The following ANXA3 variants were observed in gnomAD, a reference collection of about 807,000 sequenced individuals.
The protein encoded by ANXA3 is annexin A3.
In ANXA3, 46 loss-of-function variants were observed where a neutral mutation model predicts 48.8. The ratio of observed to expected loss-of-function variants is 0.94; its 90% CI spans 0.74 to 1.21. The LOEUF is 1.21. ANXA3 is among the 50% of genes most tolerant of loss of function. The pLI, the probability that ANXA3 is intolerant of heterozygous loss-of-function variation, is 0.00. For missense variants in ANXA3, 383 were observed against 378.6 expected, an observed-to-expected ratio of 1.01 and a Z score of -0.10; for synonymous variants, 128 against 134.7, an observed-to-expected ratio of 0.95 and a Z score of 0.35.
At chr4:78,568,771 C>A (rs1282995578) in intron 2 of ANXA3, among the ~76,000 whole-genome samples, 1 of 152,160 alleles carries the variant, frequency 6.6e-6, no homozygotes, top group Non-Finnish European at 1.5e-5. Flanking sequence ...CCCAGCTTGG[C>A]CAAGCAGTGG....
At chr4:78,570,205 A>G (rs1722815764) in intron 2 of ANXA3, among the ~76,000 whole-genome samples, 1 of 152,200 alleles carries the variant, frequency 6.6e-6, no homozygotes, top group Non-Finnish European at 1.5e-5. Flanking sequence ...CCTTGTAATT[A>G]AACAAGTTAT....
At chr4:78,583,349 A>G (rs1723111097) in intron 5 of ANXA3, among the ~76,000 whole-genome samples, 1 of 151,958 alleles carries the variant, frequency 6.6e-6, no homozygotes, top group Non-Finnish European at 1.5e-5. Context: ...CAAAACAACA[A>G]CAACAAAAAT....
intron 2 of ANXA3, among the ~76,000 whole-genome samples, chr4:78,556,390 C>A (rs1288727332): frequency 6.6e-6 from 1 of 151,526 alleles, no homozygotes; most frequent in Admixed American, 6.6e-5. Context: ...AAAGAAAGAA[C>A]AAAGAAAATA....
rs1165674488 is a variant in ANXA3 at position 78,595,779 on chromosome 4, T to C, written c.541-15T>C. 1 of 1,520,634 alleles carries C rather than the reference T, an allele frequency of 6.6e-7. No homozygotes were observed. 94.2% of individuals were successfully genotyped at this position (1,520,634 alleles called of 1,614,324 possible). Reference sequence around the variant, plus strand: ...GAAAATAATTGTGTCTCTAATATCATTCTCTTGTGAATAGATTCTCTATAA... The same window carrying C: ...GAAAATAATTGTGTCTCTAATATCACTCTCTTGTGAATAGATTCTCTATAA... On this transcript the variant is annotated splice_polypyrimidine_tract_variant and intron_variant, in intron 8 of 12. Coordinates refer to ENST00000264908, the MANE Select transcript of ANXA3 (RefSeq NM_005139.3).
intron 6 of ANXA3, among the ~76,000 whole-genome samples, chr4:78,586,899 T>C (rs1339234421): frequency 6.6e-6 from 1 of 152,144 alleles, no homozygotes; most frequent in African/African-American, 2.4e-5. Flanking sequence ...AAGACTACCT[T>C]CACCTCAGAC....
intron 11 of ANXA3, chr4:78,603,276 C>G (rs1377902978): frequency 6.6e-6 from 1 of 152,208 alleles, no homozygotes; most frequent in Non-Finnish European, 1.5e-5. Context: ...CGCTCATAAG[C>G]ATTTGCTGGA....
intron 3 of ANXA3, among the ~76,000 whole-genome samples, chr4:78,574,824 C>A (rs908085631): frequency 6.6e-6 from 1 of 152,102 alleles, no homozygotes; most frequent in Non-Finnish European, 1.5e-5. Flanking sequence ...ATGAATATTC[C>A]TCTCATGTCT....
chr4:78,565,938 GA>G (rs1371654792), intron 2 of ANXA3, among the ~76,000 whole-genome samples: 2 of 152,204 alleles, frequency 1.3e-5, no homozygotes, highest in Non-Finnish European at 2.9e-5. Context: ...GTCTGGGCTA[GA>G]GCTATAATGT....
intron 10 of ANXA3, among the ~76,000 whole-genome samples, chr4:78,597,987 A>G (rs1210521805): frequency 2.0e-5 from 3 of 152,182 alleles, no homozygotes; most frequent in Admixed American, 1.3e-4. Context: ...AGACTTCTTG[A>G]GAGCTGAAAT....
At chr4:78,595,662 C>T in intron 8 of ANXA3, 132 bp from the exon 9 acceptor site, 1 of 757,952 alleles carries the variant, frequency 1.3e-6, no homozygotes, top group Non-Finnish European at 2.1e-6. Context: ...TTTTTGATTT[C>T]TAGTCTTCTG....
Position 78,582,192 on chromosome 4 carries a change from T to TC in ANXA3, c.214_215insC (p.Leu72SerfsTer4). 1 of 1,612,466 alleles carries TC rather than the reference T, an allele frequency of 6.2e-7. No homozygotes were observed. On this transcript the variant is annotated frameshift_variant, in exon 5 of 13. Transcript: ENST00000264908. LOFTEE classifies it high-confidence loss of function. The stretch of plus-strand genomic sequence containing the variant: ...TTGATTTTAGGAGCTGAAAGATGAC[T>TC]TGAAGGGTGATCTCTCTGGCCACTT...
intron 1 of ANXA3, among the ~76,000 whole-genome samples, chr4:78,553,647 T>G (rs1722446682): frequency 6.6e-6 from 1 of 152,032 alleles, no homozygotes; most frequent in African/African-American, 2.4e-5. Flanking sequence ...AACTGGAGAG[T>G]TGACTGCCCT....
intron 2 of ANXA3, among the ~76,000 whole-genome samples, chr4:78,564,990 GA>G (rs1722700931): frequency 8.1e-6 from 1 of 123,346 alleles, no homozygotes; most frequent in African/African-American, 3.2e-5. Flanking sequence ...ATCTGACTTA[GA>G]TTTTTTTTTT....
At chr4:78,577,290 T>C (rs1722975914) in intron 3 of ANXA3, among the ~76,000 whole-genome samples, 1 of 152,022 alleles carries the variant, frequency 6.6e-6, no homozygotes, top group South Asian at 2.1e-4. Context: ...GAGAATAAGA[T>C]AAAGAAAGGA....
At chr4:78,574,335 C>T (rs554840340) in intron 3 of ANXA3, among the ~76,000 whole-genome samples, 9 of 152,044 alleles carry the variant, frequency 5.9e-5, no homozygotes, top group South Asian at 2.1e-4. Flanking sequence ...TAGGGGGATA[C>T]TTTGAGCCAG....
intron 10 of ANXA3, 54 bp from the exon 11 acceptor site, chr4:78,601,456 G>T (rs1723538363): frequency 6.5e-7 from 1 of 1,543,462 alleles, no homozygotes; most frequent in South Asian, 1.1e-5. Context: ...ACTTACTATA[G>T]ATTAACCCAA....
rs1199666719 is a variant in ANXA3 at position 78,579,104 on chromosome 4, C to A, written c.181C>A (p.Gln61Lys). 1.2e-6 allele frequency: 2 copies of A among 1,610,178 alleles called. No individual in the cohort carries two copies. The highest frequency in any genetic ancestry group is 2.2e-5 in the South Asian group (2 of 90,720). ...AQRQLIVKEY[Q>K]AAYGKELKDD... ...GCGGCAGCTGATTGTTAAGGAATAT[C>A]AAGCAGCATATGGAAAGGTAAGGTC... Residue 61 changes from glutamine to lysine, a missense_variant, in exon 4 of 13, where the codon CAA becomes AAA. Gln to Lys is a moderately conservative substitution (Grantham distance 53, BLOSUM62 1). Transcript: ENST00000264908.
chr4:78,552,353 T>C (rs1016232073), intron 1 of ANXA3: 1 of 152,234 alleles, frequency 6.6e-6, no homozygotes, highest in African/African-American at 2.4e-5. Context: ...CCTGTGAGCA[T>C]CTTCTCCCCC....
chr4:78,572,942 A>G, intron 2 of ANXA3: 1 of 601,864 alleles, frequency 1.7e-6, no homozygotes, highest in South Asian at 1.5e-5. Context: ...CCCCACACCC[A>G]GGAATGAGCA....
Sources: gnomAD v4.1 joint callset for allele counts (sites outside exome capture counted in the v4.1 genomes callset) on GRCh38, gnomAD v4.1.1 for gene constraint, MANE v1.5 for transcripts, NCBI Gene and HGNC (gene_info 2026-07-23, HGNC 2026-07-21) for gene names.